Variants in SAMMSON observed in about 807,000 individuals in gnomAD.
SAMMSON encodes long intergenic non-protein coding RNA 1212.
At chr3:70,287,199 A>G (rs530500171) in intron 6 of SAMMSON, among the ~76,000 whole-genome samples, 2 of 138,196 alleles carry the variant, frequency 1.4e-5, no homozygotes, top group African/African-American at 5.6e-5. Flanking sequence ...TGGGTTTGTC[A>G]TAGATAGCTC....
chr3:70,161,097 A>G (rs1255099999), intron 4 of SAMMSON, among the ~76,000 whole-genome samples: 6 of 152,014 alleles, frequency 3.9e-5, no homozygotes, highest in Admixed American at 1.3e-4. Flanking sequence ...GTATCATGTT[A>G]TCTTCAAATA....
intron 4 of SAMMSON, among the ~76,000 whole-genome samples, chr3:70,075,942 C>T (rs1205254291): frequency 6.6e-6 from 1 of 150,802 alleles, no homozygotes; most frequent in East Asian, 2.0e-4. Flanking sequence ...CTCATAACAC[C>T]ATAACTTTAC....
intron 7 of SAMMSON, among the ~76,000 whole-genome samples, chr3:70,341,623 A>G (rs1447669058): frequency 6.6e-6 from 1 of 152,174 alleles, no homozygotes; most frequent in African/African-American, 2.4e-5. Flanking sequence ...AAACCTCAAG[A>G]GGCAAAGACT....
chr3:70,147,128 T>C (rs1218744089), intron 4 of SAMMSON, among the ~76,000 whole-genome samples: 2 of 151,942 alleles, frequency 1.3e-5, no homozygotes, highest in African/African-American at 4.8e-5. Context: ...TAAAAGCTAT[T>C]TGCTGAAAAT....
At chr3:70,119,837 T>C (rs1413573144) in intron 4 of SAMMSON, among the ~76,000 whole-genome samples, 1 of 152,222 alleles carries the variant, frequency 6.6e-6, no homozygotes, top group African/African-American at 2.4e-5. Context: ...TATGCATATA[T>C]ATGTAACTAA....
intron 4 of SAMMSON, among the ~76,000 whole-genome samples, chr3:70,181,465 G>T (rs988520555): frequency 1.3e-5 from 2 of 152,140 alleles, no homozygotes; most frequent in Non-Finnish European, 2.9e-5. Context: ...AGCAGACCAG[G>T]GATAAAGTCC....
At chr3:70,417,928 A>G (rs1701278980) in intron 2 of SAMMSON, among the ~76,000 whole-genome samples, 1 of 152,180 alleles carries the variant, frequency 6.6e-6, no homozygotes, top group Non-Finnish European at 1.5e-5. Flanking sequence ...GGGTAGGGTC[A>G]AAACTCAGAA....
intron 3 of SAMMSON, among the ~76,000 whole-genome samples, chr3:70,050,441 A>G (rs1356880063): frequency 6.6e-6 from 1 of 152,138 alleles, no homozygotes; most frequent in African/African-American, 2.4e-5. Context: ...GGACAAGAAA[A>G]GACAGGCTTG....
chr3:70,028,972 A>G (rs1323661830), intron 3 of SAMMSON, among the ~76,000 whole-genome samples: 1 of 152,198 alleles, frequency 6.6e-6, no homozygotes, highest in Non-Finnish European at 1.5e-5. Flanking sequence ...CTGGGCTTAG[A>G]GAGATTAAGA....
chr3:70,208,412 A>G (rs1201372785), intron 4 of SAMMSON, among the ~76,000 whole-genome samples: 2 of 152,094 alleles, frequency 1.3e-5, no homozygotes, highest in Non-Finnish European at 2.9e-5. Flanking sequence ...GTTTAGGGCC[A>G]ATGGAAATGT....
intron 3 of SAMMSON, among the ~76,000 whole-genome samples, chr3:70,031,887 G>A (rs965060107): frequency 6.6e-6 from 1 of 152,132 alleles, no homozygotes; most frequent in African/African-American, 2.4e-5. Context: ...CAGTAAGCAT[G>A]CAACAAAGAG....
At chr3:70,141,584 A>G (rs1179099081) in intron 4 of SAMMSON, among the ~76,000 whole-genome samples, 1 of 152,232 alleles carries the variant, frequency 6.6e-6, no homozygotes, top group East Asian at 1.9e-4. Flanking sequence ...TTATTAGTTC[A>G]GTCAAGTTGA....
intron 9 of SAMMSON, among the ~76,000 whole-genome samples, chr3:70,372,153 T>C (rs1033251550): frequency 6.6e-6 from 1 of 152,160 alleles, no homozygotes; most frequent in Non-Finnish European, 1.5e-5. Context: ...TCTCGTTTCC[T>C]AGTTTGCTGA....
intron 6 of SAMMSON, among the ~76,000 whole-genome samples, chr3:70,270,929 A>T (rs889062646): frequency 2.0e-5 from 3 of 152,062 alleles, no homozygotes; most frequent in Admixed American, 6.5e-5. Flanking sequence ...GAAATACCTA[A>T]TGTAGATGAT....
At chr3:70,408,830 T>C (rs1369245496) in intron 2 of SAMMSON, among the ~76,000 whole-genome samples, 4 of 152,122 alleles carry the variant, frequency 2.6e-5, no homozygotes, top group Non-Finnish European at 1.5e-5. Flanking sequence ...TTACTATATT[T>C]ATCTGTTTTC....
At chr3:70,170,913 TA>T (rs1297337927) in intron 4 of SAMMSON, among the ~76,000 whole-genome samples, 1 of 151,860 alleles carries the variant, frequency 6.6e-6, no homozygotes, top group Non-Finnish European at 1.5e-5. Flanking sequence ...ACACTGTTCT[TA>T]AACAAACAAA....
intron 4 of SAMMSON, among the ~76,000 whole-genome samples, chr3:70,196,614 C>T (rs914729823): frequency 2.6e-5 from 4 of 152,118 alleles, no homozygotes; most frequent in East Asian, 3.9e-4. Context: ...AGTGCAATAA[C>T]GCAGTGGCTT....
intron 2 of SAMMSON, among the ~76,000 whole-genome samples, chr3:70,409,429 G>C (rs1226626753): frequency 6.6e-6 from 1 of 150,826 alleles, no homozygotes; most frequent in Non-Finnish European, 1.5e-5. Context: ...TCACTTAAGA[G>C]AGAGAAGAAA....
intron 2 of SAMMSON, among the ~76,000 whole-genome samples, chr3:70,402,811 G>T (rs1015060332): frequency 1.3e-5 from 2 of 152,038 alleles, no homozygotes; most frequent in Admixed American, 6.6e-5. Flanking sequence ...GCAATGAGCC[G>T]AGATTGTACC....
Sources: gnomAD v4.1 joint callset for allele counts (sites outside exome capture counted in the v4.1 genomes callset) on GRCh38, gnomAD v4.1.1 for gene constraint, MANE v1.5 for transcripts, NCBI Gene and HGNC (gene_info 2026-07-23, HGNC 2026-07-21) for gene names.